Variants in BARD1 observed in about 807,000 individuals in gnomAD.
BARD1 encodes BRCA1-associated RING domain protein 1.
In BARD1, 73 loss-of-function variants were observed where a neutral mutation model predicts 77.0. The observed-to-expected ratio is 0.95, with a 90% CI of 0.79 to 1.15. The LOEUF is 1.15. Among genes scored for constraint, BARD1 ranks in the 50% most tolerant of loss-of-function variants. BARD1 has a pLI of 0.00. For missense variants in BARD1, 993 were observed against 938.8 expected (o/e 1.06, Z -0.75); for synonymous variants, 384 against 338.0 (o/e 1.14, Z -1.49).
In BARD1 at chr2:214,769,298, A is replaced by T. The variant is rs767154578; in HGVS notation, c.1329T>A (p.Ser443=). Residue 443 remains serine (S), a synonymous_variant, in exon 5 of 11, where the codon TCT becomes TCA. Coordinates refer to ENST00000260947, the MANE Select transcript of BARD1 (RefSeq NM_000465.4). ...TTCCATTTTGTAAAAGGTATTCAAC[A>T]GAAGGTATGTCGCCCTAGAAAAATG... ...HIASIKGDIP[S]VEYLLQNGSD... 1 of 1,613,316 alleles carries T rather than the reference A, an allele frequency of 6.2e-7. No individual in the cohort carries two copies. The highest frequency in any genetic ancestry group is 2.2e-5 in the East Asian group (1 of 44,846).
chr2:214,774,538 C>T (rs1694655522), intron 4 of BARD1, among the ~76,000 whole-genome samples: 1 of 152,208 alleles, frequency 6.6e-6, no homozygotes, highest in Non-Finnish European at 1.5e-5. Context: ...CAGTAGGTCT[C>T]AACAGCAGGC....
At chr2:214,749,286 T>A (rs1483025629) in intron 7 of BARD1, among the ~76,000 whole-genome samples, 1 of 150,324 alleles carries the variant, frequency 6.7e-6, no homozygotes, top group African/African-American at 2.5e-5. Flanking sequence ...TGAAAAAGAG[T>A]GAGTGAAGAA....
chr2:214,752,268 T>C (rs1319631564), intron 7 of BARD1, among the ~76,000 whole-genome samples, 179 bp downstream of exon 7: 1 of 152,190 alleles, frequency 6.6e-6, no homozygotes, highest in African/African-American at 2.4e-5. Context: ...CAATAAGTAT[T>C]TCTAGATGGT....
intron 9 of BARD1, among the ~76,000 whole-genome samples, chr2:214,736,566 C>G (rs978160423): frequency 3.3e-5 from 5 of 152,086 alleles, no homozygotes; most frequent in Admixed American, 6.6e-5. Context: ...CTTGTGCCAG[C>G]TGCTTCTCCA....
At chr2:214,729,342 G>T (rs1355991307) in intron 10 of BARD1, among the ~76,000 whole-genome samples, 2 of 152,168 alleles carry the variant, frequency 1.3e-5, no homozygotes, top group African/African-American at 4.8e-5. Context: ...GTCACATGAG[G>T]TCAGGTGTGG....
chr2:214,756,238 G>A (rs73084512), intron 6 of BARD1, among the ~76,000 whole-genome samples: 1,761 of 152,162 alleles, frequency 0.012, 45 homozygotes, highest in African/African-American at 0.04. Context: ...TTAAAAGGGT[G>A]TAGCACTAAT....
rs541217591 is a variant in BARD1 at position 214,757,827 on chromosome 2, G to T, written c.1569-5272C>A. Among the ~76,000 whole-genome samples, 56 of 152,226 alleles carry T rather than the reference G, an allele frequency of 3.7e-4. No individual in the cohort carries two copies. In the South Asian group the frequency reaches 6.4e-3, roughly 17 times the overall value. ...GGTAAAGCTCCCCAGACCTGAAAGG[G>T]TAAGGAAGAAAAGCGGGTACACAAA... On this transcript the variant is annotated intron_variant, in intron 6 of 10. Transcript: ENST00000260947.
intron 2 of BARD1, among the ~76,000 whole-genome samples, chr2:214,794,167 A>T (rs1574842765): frequency 6.6e-6 from 1 of 152,104 alleles, no homozygotes; most frequent in Admixed American, 6.6e-5. Flanking sequence ...TTGGATGATC[A>T]CCCAAGCCAA....
intron 2 of BARD1, chr2:214,796,802 T>C: frequency 2.1e-6 from 1 of 475,498 alleles, no homozygotes; most frequent in Non-Finnish European, 3.8e-6. Flanking sequence ...TAAAAGGCAT[T>C]AATTTTTTTC....
chr2:214,803,643 C>T (rs1696133602), intron 1 of BARD1, among the ~76,000 whole-genome samples: 3 of 152,222 alleles, frequency 2.0e-5, no homozygotes, highest in African/African-American at 7.2e-5. Context: ...GACCCTGACA[C>T]ATCCCCCTCT....
At chr2:214,776,990 C>T (rs1049786816) in intron 4 of BARD1, among the ~76,000 whole-genome samples, 2 of 152,118 alleles carry the variant, frequency 1.3e-5, no homozygotes, top group African/African-American at 4.8e-5. Context: ...TGAAAACCAG[C>T]AAGAAATCTG....
intron 6 of BARD1, among the ~76,000 whole-genome samples, chr2:214,760,837 C>T (rs564335781): frequency 3.5e-4 from 52 of 148,412 alleles, no homozygotes; most frequent in Non-Finnish European, 6.8e-4. Flanking sequence ...TGCAGTGGTG[C>T]GGTCTCGGCT....
At chr2:214,765,253 C>T (rs1236831661) in intron 6 of BARD1, among the ~76,000 whole-genome samples, 1 of 152,166 alleles carries the variant, frequency 6.6e-6, no homozygotes, top group South Asian at 2.1e-4. Context: ...TGCCACTTCA[C>T]TAGGTAGTCC....
At position 214,804,523 on chromosome 2, in the gene BARD1, G is replaced by A. The variant is rs1034581015; in HGVS notation, c.158+4889C>T. ...GATACGATACAAGCTGAACACCAAT[G>A]ATTTGTGCCTTTTCTGTATGTATGT... On this transcript the variant is annotated intron_variant, in intron 1 of 10. Transcript: ENST00000260947. Among the ~76,000 whole-genome samples the A allele has an allele frequency of 3.9e-5, 6 of 152,282 alleles. No homozygotes were observed. The East Asian group carries it at 5.8e-4, about 15-fold the overall frequency.
At chr2:214,753,598 G>T (rs550567436) in intron 6 of BARD1, among the ~76,000 whole-genome samples, 3 of 152,086 alleles carry the variant, frequency 2.0e-5, no homozygotes, top group Admixed American at 1.3e-4. Context: ...GAAACAGAGA[G>T]AAACATTAGG....
chr2:214,740,626 T>A (rs1692779703), intron 9 of BARD1, among the ~76,000 whole-genome samples: 2 of 152,202 alleles, frequency 1.3e-5, no homozygotes, highest in South Asian at 4.1e-4. Flanking sequence ...AGTCTTAATA[T>A]TTATCATATT....
intron 4 of BARD1, 120 bp from the exon 5 acceptor site, chr2:214,769,432 C>T (rs1268790427): frequency 2.4e-6 from 2 of 817,816 alleles, no homozygotes; most frequent in African/African-American, 1.7e-5. Flanking sequence ...TCTCTTAAGG[C>T]TACTGTTCAT....
At chr2:214,803,744 C>T (rs1315361654) in intron 1 of BARD1, among the ~76,000 whole-genome samples, 1 of 152,108 alleles carries the variant, frequency 6.6e-6, no homozygotes, top group African/African-American at 2.4e-5. Flanking sequence ...TCCCTGGGTC[C>T]CCTTATTTCT....
intron 3 of BARD1, among the ~76,000 whole-genome samples, chr2:214,787,665 C>G (rs1299601845): frequency 6.6e-6 from 1 of 151,920 alleles, no homozygotes; most frequent in Non-Finnish European, 1.5e-5. Flanking sequence ...GAATTCCATT[C>G]TCTGAATTTC....
Sources: allele counts gnomAD v4.1 joint callset (sites outside exome capture counted in the v4.1 genomes callset), GRCh38; gene constraint gnomAD v4.1.1; transcripts MANE v1.5; gene names NCBI Gene and HGNC (gene_info 2026-07-23, HGNC 2026-07-21).